KCNH7: variants seen among roughly 807,000 people sequenced by gnomAD.
KCNH7 encodes voltage-gated inwardly rectifying potassium channel KCNH7.
In KCNH7, 49 loss-of-function variants were observed where a neutral mutation model predicts 120.8. The ratio of observed to expected loss-of-function variants is 0.41; its 90% confidence interval spans 0.32 to 0.51. KCNH7 has a LOEUF of 0.51. Ranked by LOEUF, KCNH7 falls within the 20% of genes least tolerant of loss-of-function variation. The probability of loss-of-function intolerance (pLI) is 0.38; values close to 1 mark genes in which losing one functional copy is unlikely to be tolerated. For synonymous variants in KCNH7, 547 were observed against 516.1 expected, an observed-to-expected ratio of 1.06 and a Z score of -0.81; for missense variants, 1,097 against 1,446.6, an observed-to-expected ratio of 0.76 and a Z score of 3.92.
rs533023504 is a variant in KCNH7, at chr2:162,543,194, C to T, written c.308-6114G>A. 9.2e-5 allele frequency among the ~76,000 whole-genome samples: 14 copies of T among 152,110 alleles called. No individual in the cohort carries two copies. In the East Asian group the frequency reaches 2.7e-3, roughly 30 times the overall value. ...ATATAGAAGCATTATAAACAAAAAA[C>T]TGAGCTGGCAAAAAGTTGGCAGTGT... is the stretch of plus-strand genomic sequence containing the variant. On this transcript the variant is annotated intron_variant, in intron 2 of 15. Transcript: ENST00000332142.
At chr2:162,813,467 T>A (rs1684806038) in intron 2 of KCNH7, among the ~76,000 whole-genome samples, 1 of 152,306 alleles carries the variant, frequency 6.6e-6, no homozygotes, top group African/African-American at 2.4e-5. Context: ...GTGAGGCTCA[T>A]TAAAACTTGG....
At chr2:162,520,723 T>C (rs1213765664) in intron 3 of KCNH7, among the ~76,000 whole-genome samples, 1 of 151,828 alleles carries the variant, frequency 6.6e-6, no homozygotes, top group Non-Finnish European at 1.5e-5. Flanking sequence ...TAGCTATGAT[T>C]GAGCCACTGC....
chr2:162,575,172 A>T (rs1417243956), intron 2 of KCNH7, among the ~76,000 whole-genome samples: 1 of 151,974 alleles, frequency 6.6e-6, no homozygotes, highest in Non-Finnish European at 1.5e-5. Flanking sequence ...CATGCATGGG[A>T]GGGTTGAGAG....
At chr2:162,435,739 G>A in intron 7 of KCNH7, 142 bp from the exon 8 acceptor site, 1 of 796,620 alleles carries the variant, frequency 1.3e-6, no homozygotes, top group Non-Finnish European at 1.9e-6. Flanking sequence ...TATTAAACTT[G>A]GTTCTTTTTT....
rs569992528 is a variant in KCNH7, at chr2:162,595,099, C to T, written c.308-58019G>A. Among the ~76,000 whole-genome samples, 4 of 152,114 alleles carry T rather than the reference C, an allele frequency of 2.6e-5. No homozygotes were observed. The South Asian group carries it at 8.3e-4, about 32-fold the overall frequency. On this transcript the variant is annotated intron_variant, in intron 2 of 15. Transcript: ENST00000332142. ...ATATAATCAATTGACTGGGTAATTT[C>T]TAAACGAGAGAGGTTTATTTGATTC...
chr2:162,386,072 G>A (rs1686562189), intron 12 of KCNH7, among the ~76,000 whole-genome samples: 1 of 151,822 alleles, frequency 6.6e-6, no homozygotes, highest in African/African-American at 2.4e-5. Context: ...AATGCAGATT[G>A]CTTATTTTCT....
chr2:162,487,375 T>G (rs1488914692), intron 6 of KCNH7, among the ~76,000 whole-genome samples: 2 of 152,184 alleles, frequency 1.3e-5, no homozygotes, highest in African/African-American at 4.8e-5. Flanking sequence ...CAAGTTTGCC[T>G]GATCTTAATA....
At chr2:162,633,532 T>C (rs1683838577) in intron 2 of KCNH7, among the ~76,000 whole-genome samples, 1 of 152,014 alleles carries the variant, frequency 6.6e-6, no homozygotes, top group Non-Finnish European at 1.5e-5. Context: ...TTTAGTATGC[T>C]TTCCCTACAC....
rs558654426 is a variant in KCNH7 at position 162,811,869 on chromosome 2, A to G, written c.307+24668T>C. ...AAAGGGCAGGCGTAGACTCTTCTGA[A>G]CAAAGTGGATGGGGTGAAGTATAAA... On this transcript the variant is annotated intron_variant, in intron 2 of 15. Coordinates refer to ENST00000332142, the MANE Select transcript of KCNH7 (RefSeq NM_033272.4). Among the ~76,000 whole-genome samples the G allele has an allele frequency of 1.5e-4, 23 of 152,284 alleles. 1 individual carries two copies. Among genetic ancestry groups the G allele is most frequent in the African/African-American group, 5.1e-4 (21 of 41,572 alleles).
At chr2:162,510,055 A>T (rs1691017253) in intron 5 of KCNH7, among the ~76,000 whole-genome samples, 1 of 151,620 alleles carries the variant, frequency 6.6e-6, no homozygotes, top group Non-Finnish European at 1.5e-5. Flanking sequence ...TGAGTGATGG[A>T]GGTAGGATTA....
intron 2 of KCNH7, among the ~76,000 whole-genome samples, chr2:162,790,779 CA>C (rs1208027248): frequency 6.6e-6 from 1 of 151,928 alleles, no homozygotes; most frequent in African/African-American, 2.4e-5. Flanking sequence ...ACACAATTCA[CA>C]ACTCTTTCAT....
chr2:162,810,982 G>T (rs1684714401), intron 2 of KCNH7, among the ~76,000 whole-genome samples: 2 of 152,188 alleles, frequency 1.3e-5, no homozygotes, highest in South Asian at 4.1e-4. Context: ...TTTTATTTCA[G>T]AAATTTTTCT....
intron 6 of KCNH7, among the ~76,000 whole-genome samples, chr2:162,461,190 G>A (rs1689134452): frequency 6.6e-6 from 1 of 152,124 alleles, no homozygotes; most frequent in Non-Finnish European, 1.5e-5. Context: ...CAAAGACAAT[G>A]TACAAAAATT....
intron 2 of KCNH7, among the ~76,000 whole-genome samples, chr2:162,658,644 C>G (rs1387093768): frequency 6.6e-6 from 1 of 152,036 alleles, no homozygotes; most frequent in Non-Finnish European, 1.5e-5. Flanking sequence ...TCTTTGATTT[C>G]TTTTGTCAGA....
intron 9 of KCNH7, among the ~76,000 whole-genome samples, chr2:162,412,567 A>G (rs1687421548): frequency 6.6e-6 from 1 of 152,180 alleles, no homozygotes; most frequent in South Asian, 2.1e-4. Flanking sequence ...GACAAACATT[A>G]GTGACCTGCT....
chr2:162,730,625 G>T (rs1056415227), intron 2 of KCNH7, among the ~76,000 whole-genome samples: 11 of 151,878 alleles, frequency 7.2e-5, no homozygotes, highest in Non-Finnish European at 1.3e-4. Context: ...TCCAAAACTG[G>T]CCAATAATAC....
intron 2 of KCNH7, among the ~76,000 whole-genome samples, chr2:162,604,172 G>T (rs1013025273): frequency 6.6e-6 from 1 of 152,014 alleles, no homozygotes; most frequent in Non-Finnish European, 1.5e-5. Context: ...AATTATGGCT[G>T]TTGGCTTCAT....
chr2:162,744,536 C>T, intron 2 of KCNH7, among the ~76,000 whole-genome samples: 1 of 146,146 alleles, frequency 6.8e-6, no homozygotes, highest in East Asian at 2.0e-4. Flanking sequence ...CCGTTTAGTT[C>T]TACACATACA....
intron 7 of KCNH7, among the ~76,000 whole-genome samples, chr2:162,441,774 A>G (rs952841410): frequency 1.3e-5 from 2 of 152,152 alleles, no homozygotes; most frequent in African/African-American, 2.4e-5. Context: ...AATGATTGAC[A>G]TAATGGGTGG....
Sources: gnomAD v4.1 joint callset for allele counts (sites outside exome capture counted in the v4.1 genomes callset) on GRCh38, gnomAD v4.1.1 for gene constraint, MANE v1.5 for transcripts, NCBI Gene and HGNC (gene_info 2026-07-23, HGNC 2026-07-21) for gene names.